Variants in KIF5C observed in about 807,000 individuals in gnomAD.
The protein encoded by KIF5C is kinesin family member 5C, also known as kinesin heavy chain isoform 5C.
A neutral mutation model predicts 125.2 loss-of-function variants in KIF5C; 18 were observed. The ratio of observed to expected loss-of-function variants is 0.14; its 90% CI spans 0.10 to 0.21. The LOEUF (loss-of-function observed/expected upper bound fraction) is 0.21, where lower values mean the gene tolerates loss of function less well. Among genes scored for constraint, KIF5C ranks in the 10% least tolerant of loss-of-function variants. KIF5C has a pLI of 1.00. For missense variants in KIF5C, 780 were observed against 1,183.8 expected (o/e 0.66, Z 5.01); for synonymous variants, 405 against 434.0 (o/e 0.93, Z 0.83).
intron 2 of KIF5C, 96 bp from the exon 3 acceptor site, chr2:148,929,185 T>C (rs769154458): frequency 2.9e-6 from 2 of 684,332 alleles, no homozygotes; most frequent in Non-Finnish European, 4.9e-6. Context: ...AAAAATGAGA[T>C]GGGCCATTTG....
intron 1 of KIF5C, among the ~76,000 whole-genome samples, chr2:148,900,201 C>A (rs917805695): frequency 1.3e-5 from 2 of 152,198 alleles, no homozygotes; most frequent in Non-Finnish European, 2.9e-5. Flanking sequence ...CCAGTGCCTT[C>A]TATTTCTCAG....
chr2:148,947,293 G>C, intron 8 of KIF5C: 1 of 394,096 alleles, frequency 2.5e-6, no homozygotes, highest in Non-Finnish European at 4.5e-6. Flanking sequence ...GCAACAGTTG[G>C]TTTGACTTAG....
chr2:148,897,590 G>T (rs755321909), intron 1 of KIF5C, among the ~76,000 whole-genome samples: 3 of 151,994 alleles, frequency 2.0e-5, no homozygotes, highest in Non-Finnish European at 4.4e-5. Context: ...CAGATTAGTG[G>T]CATGTTTGTT....
At position 149,024,004 on chromosome 2, in the gene KIF5C, A is replaced by C. The variant is rs559199941; in HGVS notation, c.*934A>C. 4 of 152,290 alleles carry C rather than the reference A, an allele frequency of 2.6e-5. No homozygotes were observed. Among genetic ancestry groups the C allele is most frequent in the African/African-American group, 9.6e-5 (4 of 41,572 alleles). The allele number at this position is 152,290 out of a possible 1,614,324, so 9.4% of individuals were successfully genotyped here. ...AAATCCAACATCATTCCAGCAGTTG[A>C]AAAAGGAAGCCTTCGGGAGAAAGTG... On this transcript the variant is annotated 3_prime_UTR_variant, in exon 26 of 26. Coordinates refer to ENST00000435030, the MANE Select transcript of KIF5C (RefSeq NM_004522.3).
At chr2:149,019,228 G>C (rs1682457960) in intron 25 of KIF5C, among the ~76,000 whole-genome samples, 2 of 152,182 alleles carry the variant, frequency 1.3e-5, no homozygotes, top group Non-Finnish European at 2.9e-5. Context: ...CTGTGGAATG[G>C]GGAAGTTGGG....
chr2:148,930,193 C>T (rs948668825), intron 3 of KIF5C, among the ~76,000 whole-genome samples: 4 of 152,222 alleles, frequency 2.6e-5, no homozygotes, highest in Admixed American at 2.0e-4. Flanking sequence ...TATTGACTTA[C>T]ATACCTGCTC....
chr2:148,966,967 C>G (rs1314224896), intron 11 of KIF5C, among the ~76,000 whole-genome samples: 1 of 152,166 alleles, frequency 6.6e-6, no homozygotes, highest in Non-Finnish European at 1.5e-5. Context: ...TTATAAGCCA[C>G]CCAGTCTATG....
chr2:148,955,353 ACTTT>A (rs1682767293), intron 10 of KIF5C, among the ~76,000 whole-genome samples: 1 of 152,174 alleles, frequency 6.6e-6, no homozygotes, highest in South Asian at 2.1e-4. Context: ...CAATCAGCTG[ACTTT>A]AAGCAAGGCA....
At position 148,998,453 on chromosome 2, in the gene KIF5C, G is replaced by T; in HGVS notation, c.2154G>T (p.Leu718=). ...ACCGGGAAGCTCACCAGAAGCAGCT[G>T]TCCAGACTCCGAGACGAAATTGAGG... is the stretch of plus-strand genomic sequence containing the variant. The part of the protein sequence containing the change: ...ESHREAHQKQ[L]SRLRDEIEEK... The change falls in exon 19 of 26, where the codon CTG becomes CTT. Residue 718 remains leucine, a synonymous_variant. Transcript: ENST00000435030. The T allele has an allele frequency of 1.3e-6, 2 of 1,567,442 alleles. No homozygotes were observed. The highest frequency in any genetic ancestry group is 1.2e-5 in the South Asian group (1 of 84,826).
At chr2:148,963,642 A>T (rs906726272) in intron 11 of KIF5C, among the ~76,000 whole-genome samples, 4 of 152,172 alleles carry the variant, frequency 2.6e-5, no homozygotes, top group Non-Finnish European at 5.9e-5. Flanking sequence ...CGGGAGCAGT[A>T]GTTGGCAAGG....
chr2:148,979,379 T>C (rs1315037548), intron 13 of KIF5C, among the ~76,000 whole-genome samples: 1 of 152,162 alleles, frequency 6.6e-6, no homozygotes, highest in Non-Finnish European at 1.5e-5. Flanking sequence ...AGAGCTCAAA[T>C]GATCTTCCCG....
At chr2:148,945,148 A>G (rs1399068440) in intron 7 of KIF5C, among the ~76,000 whole-genome samples, 1 of 152,074 alleles carries the variant, frequency 6.6e-6, no homozygotes, top group Non-Finnish European at 1.5e-5. Context: ...ATTTTGATGA[A>G]GTGTCTATTT....
At chr2:148,958,335 C>T (rs1682847830) in intron 10 of KIF5C, among the ~76,000 whole-genome samples, 1 of 152,162 alleles carries the variant, frequency 6.6e-6, no homozygotes, top group East Asian at 1.9e-4. Context: ...TGCTCATTCT[C>T]AGCAACAGTT....
chr2:148,961,872 A>G, intron 10 of KIF5C, 99 bp from the exon 11 acceptor site: 4 of 1,488,146 alleles, frequency 2.7e-6, no homozygotes, highest in Admixed American at 4.4e-5. Flanking sequence ...CTGCTTCCCT[A>G]TTTCCAGTCT....
chr2:148,966,318 G>A (rs1205316861), intron 11 of KIF5C, among the ~76,000 whole-genome samples: 1 of 151,836 alleles, frequency 6.6e-6, no homozygotes, highest in Non-Finnish European at 1.5e-5. Flanking sequence ...GGAGAGCAAG[G>A]AAGGGGTATG....
intron 10 of KIF5C, among the ~76,000 whole-genome samples, chr2:148,953,892 A>G (rs190085412): frequency 6.6e-6 from 1 of 152,214 alleles, no homozygotes; most frequent in Admixed American, 6.5e-5. Flanking sequence ...TTGTTTTTTA[A>G]ATTATACTTT....
rs1444964168 is a variant in KIF5C at position 148,924,356 on chromosome 2, A to T, written c.217+2129A>T. On this transcript the variant is annotated intron_variant, in intron 2 of 25. Coordinates refer to ENST00000435030, the MANE Select transcript of KIF5C (RefSeq NM_004522.3). The surrounding 1 kb of genome is among the most constrained non-coding windows in gnomAD (Gnocchi z 4.0). Reference sequence around the variant, plus strand: ...ACCATAGTCCCCGTGATTCCTGATAATGGGTGGACCAAGGAGCATTCCTTT... The same window carrying T: ...ACCATAGTCCCCGTGATTCCTGATATTGGGTGGACCAAGGAGCATTCCTTT... 1.3e-5 allele frequency among the ~76,000 whole-genome samples: 2 copies of T among 152,166 alleles called. No homozygotes were observed. Among genetic ancestry groups the T allele is most frequent in the Non-Finnish European group, 2.9e-5 (2 of 68,016 alleles).
At chr2:148,988,824 G>A (rs1193551262) in intron 15 of KIF5C, among the ~76,000 whole-genome samples, 1 of 152,210 alleles carries the variant, frequency 6.6e-6, no homozygotes, top group Non-Finnish European at 1.5e-5. Flanking sequence ...GCAGTCGGAA[G>A]TAAAATGGGT....
At chr2:148,894,359 G>C (rs1681781270) in intron 1 of KIF5C, among the ~76,000 whole-genome samples, 1 of 152,082 alleles carries the variant, frequency 6.6e-6, no homozygotes. Context: ...TTTGCAACTT[G>C]CTAGTCATAA....
Sources: allele counts gnomAD v4.1 joint callset (sites outside exome capture counted in the v4.1 genomes callset), GRCh38; gene constraint gnomAD v4.1.1; non-coding constraint Gnocchi (gnomAD v3.1); transcripts MANE v1.5; gene names NCBI Gene and HGNC (gene_info 2026-07-23, HGNC 2026-07-21).